ENTPD5: variants seen among roughly 807,000 people sequenced by gnomAD.
ENTPD5 encodes the protein ectonucleoside triphosphate diphosphohydrolase 5 (inactive), also known as nucleoside diphosphate phosphatase ENTPD5.
Under a neutral mutation model 60.2 loss-of-function variants are expected in ENTPD5, and 49 were observed. The observed-to-expected ratio is 0.81, with a 90% confidence interval of 0.65 to 1.03. The LOEUF (loss-of-function observed/expected upper bound fraction) is 1.03. Ranked by LOEUF, ENTPD5 falls within the 50% of genes least tolerant of loss-of-function variation. The probability of loss-of-function intolerance (pLI) is 0.00; values close to 1 mark genes in which losing one functional copy is unlikely to be tolerated. For synonymous variants in ENTPD5, 187 were observed against 185.4 expected (o/e 1.01, Z -0.07); for missense variants, 480 against 507.6 (o/e 0.95, Z 0.52).
At chr14:74,008,971 T>C (rs1253458595) in intron 3 of ENTPD5, 1 of 152,234 alleles carries the variant, frequency 6.6e-6, no homozygotes, top group Non-Finnish European at 1.5e-5. Context: ...TATTATTTCA[T>C]TTGCATCAAA....
In ENTPD5 at chr14:73,964,210, A is replaced by G. The variant is rs1011978315; in HGVS notation, c.*2718T>C. On this transcript the variant is annotated 3_prime_UTR_variant, in exon 16 of 16. Coordinates refer to ENST00000334696, the MANE Select transcript of ENTPD5 (RefSeq NM_001249.5). The stretch of plus-strand genomic sequence containing the variant: ...TTGGCCCACAGAGAGTGTTCTTCAT[A>G]TGACAATGATGTTAAACACCATCTG... The G allele has an allele frequency of 2.6e-5, 4 of 151,954 alleles. No homozygotes were observed. The highest frequency in any genetic ancestry group is 2.6e-4 in the Admixed American group (4 of 15,276). 9.4% of individuals were successfully genotyped at this position (151,954 alleles called of 1,614,324 possible).
chr14:73,962,679 G>A (rs1175782776), downstream of ENTPD5: 1 of 387,288 alleles, frequency 2.6e-6, no homozygotes, highest in Non-Finnish European at 4.5e-6. Context: ...GATGGGTGCA[G>A]TGGCTCACAC....
intron 11 of ENTPD5, 117 bp from the exon 12 acceptor site, chr14:73,974,095 A>G (rs1204847711): frequency 2.7e-6 from 2 of 746,616 alleles, no homozygotes; most frequent in East Asian, 2.7e-5. Flanking sequence ...TTAAAATCCT[A>G]TGAAATTAAT....
intron 3 of ENTPD5, among the ~76,000 whole-genome samples, chr14:74,006,022 CT>C (rs1416858156): frequency 6.6e-6 from 1 of 151,986 alleles, no homozygotes; most frequent in Non-Finnish European, 1.5e-5. Flanking sequence ...GAGTTTTACT[CT>C]TGTTCCCCAG....
chr14:73,991,615 A>AT (rs2058134532), intron 3 of ENTPD5, among the ~76,000 whole-genome samples: 1 of 126,956 alleles, frequency 7.9e-6, no homozygotes, highest in Non-Finnish European at 1.8e-5. Flanking sequence ...AACCAAAAAA[A>AT]AAAAAAAAAA....
chr14:74,012,360 G>A (rs182785517), intron 2 of ENTPD5, among the ~76,000 whole-genome samples: 53 of 152,198 alleles, frequency 3.5e-4, no homozygotes, highest in African/African-American at 1.2e-3. Context: ...ACCAGACTTC[G>A]CCTCCTAAAG....
intron 5 of ENTPD5, among the ~76,000 whole-genome samples, chr14:73,984,884 G>A (rs899053224): frequency 6.6e-6 from 1 of 152,002 alleles, no homozygotes; most frequent in African/African-American, 2.4e-5. Context: ...ATCTCCTAAT[G>A]CTTTCCCTCC....
intron 3 of ENTPD5, among the ~76,000 whole-genome samples, chr14:73,994,224 C>T (rs1253649258): frequency 6.6e-6 from 1 of 152,022 alleles, no homozygotes; most frequent in Non-Finnish European, 1.5e-5. Flanking sequence ...CTCCTGGAAT[C>T]AAGAAAGTCT....
intron 7 of ENTPD5, 119 bp from the exon 8 acceptor site, chr14:73,977,178 C>T: frequency 8.0e-7 from 1 of 1,254,744 alleles, no homozygotes; most frequent in Non-Finnish European, 1.1e-6. Context: ...TTCCCTTCTC[C>T]CTGTCTTCTA....
intron 13 of ENTPD5, among the ~76,000 whole-genome samples, chr14:73,972,516 A>T (rs2057271111): frequency 6.6e-6 from 1 of 152,210 alleles, no homozygotes; most frequent in Non-Finnish European, 1.5e-5. Context: ...TGCTTTTGTG[A>T]TAAGAAGAAA....
At chr14:73,956,147 A>G, downstream of ENTPD5, 1 of 479,486 alleles carries the variant, frequency 2.1e-6, no homozygotes, top group Non-Finnish European at 3.8e-6. Context: ...ACATGGTGAA[A>G]CCCTGTCTCT....
At chr14:73,955,958 A>G, downstream of ENTPD5, 1 of 1,613,572 alleles carries the variant, frequency 6.2e-7, no homozygotes, top group Non-Finnish European at 8.5e-7. Flanking sequence ...CCTTGCATTC[A>G]TTGGGAAGTG....
chr14:74,003,541 G>A, intron 3 of ENTPD5: 3 of 812,884 alleles, frequency 3.7e-6, no homozygotes, highest in Non-Finnish European at 6.0e-6. Flanking sequence ...TGCTGGGGAT[G>A]CTGGTACAAG....
intron 3 of ENTPD5, among the ~76,000 whole-genome samples, chr14:73,990,651 A>T (rs2058092685): frequency 6.6e-6 from 1 of 151,946 alleles, no homozygotes. Flanking sequence ...CTGGAAAATA[A>T]TTTTTTAAAT....
In ENTPD5 at chr14:73,966,435, C is replaced by T. The variant is rs11624946; in HGVS notation, c.*493G>A. 0.65 allele frequency: 99,273 copies of T among 152,156 alleles called. 32,550 individuals are homozygous for T. Among genetic ancestry groups the T allele is most frequent in the South Asian group, 0.74 (3,560 of 4,828 alleles). 9.4% of individuals were successfully genotyped at this position (152,156 alleles called of 1,614,324 possible). On this transcript the variant is annotated 3_prime_UTR_variant, in exon 16 of 16. Coordinates refer to ENST00000334696, the MANE Select transcript of ENTPD5 (RefSeq NM_001249.5). ...CAGATTCTGACATGGTCCCATTTTGCGTTGTTGAATTATACATGGAAAGCA... is the reference window on the plus strand; with the variant it reads ...CAGATTCTGACATGGTCCCATTTTGTGTTGTTGAATTATACATGGAAAGCA...
Position 73,988,110 on chromosome 14 carries a change from C to G in ENTPD5, c.-8G>C, listed in dbSNP as rs2302117. 6.2e-6 allele frequency: 10 copies of G among 1,603,946 alleles called. No individual in the cohort carries two copies. Among genetic ancestry groups the G allele is most frequent in the Non-Finnish European group, 8.5e-6 (10 of 1,175,480 alleles). On this transcript the variant is annotated 5_prime_UTR_variant, in exon 4 of 16. Transcript: ENST00000334696. ...GCCCCAAGAAGTGGCCATTCTTTTCCCAAGATGTGGCTGGGTGGAGGCTTT... is the reference window on the plus strand; with the variant it reads ...GCCCCAAGAAGTGGCCATTCTTTTCGCAAGATGTGGCTGGGTGGAGGCTTT...
intron 3 of ENTPD5, chr14:73,996,235 C>T (rs1162071351): frequency 7.1e-6 from 7 of 980,798 alleles, no homozygotes; most frequent in Non-Finnish European, 8.5e-6. Flanking sequence ...TGCCAGTTTG[C>T]AACTAACAGT....
Position 74,006,137 on chromosome 14 carries a change from C to T in ENTPD5, c.-71+4954G>A, listed in dbSNP as rs1454532930. ...CAAAGTAGCTGGGATTACAGGCATA[C>T]ACCACCAAGCCCAGCAAATTTTGTA... On this transcript the variant is annotated intron_variant, in intron 3 of 15. Coordinates refer to ENST00000334696, the MANE Select transcript of ENTPD5 (RefSeq NM_001249.5). Among the ~76,000 whole-genome samples the T allele has an allele frequency of 1.3e-5, 2 of 151,908 alleles. 1 individual carries two copies. Among genetic ancestry groups the T allele is most frequent in the Non-Finnish European group, 2.9e-5 (2 of 67,990 alleles).
intron 2 of ENTPD5, among the ~76,000 whole-genome samples, chr14:74,014,316 T>G (rs2058942493): frequency 1.3e-5 from 2 of 152,032 alleles, no homozygotes. Flanking sequence ...TTCCAGCACT[T>G]TGGGGGCCTG....
Sources: gnomAD v4.1 joint callset for allele counts (sites outside exome capture counted in the v4.1 genomes callset) on GRCh38, gnomAD v4.1.1 for gene constraint, MANE v1.5 for transcripts, NCBI Gene and HGNC (gene_info 2026-07-23, HGNC 2026-07-21) for gene names.